Variants in TEX10 observed in about 807,000 individuals in gnomAD.
TEX10 encodes testis expressed 10.
In TEX10, 24 loss-of-function variants were observed where a neutral mutation model predicts 104.4. The observed-to-expected ratio is 0.23, with a 90% confidence interval of 0.17 to 0.32. The LOEUF is 0.32. Ranked by LOEUF, TEX10 falls within the 10% of genes least tolerant of loss-of-function variation. The probability of loss-of-function intolerance (pLI) is 1.00; values close to 1 mark genes in which losing one functional copy is unlikely to be tolerated. For missense variants in TEX10, 921 were observed against 1,083.9 expected (o/e 0.85, Z 2.11); for synonymous variants, 396 against 393.4 (o/e 1.01, Z -0.08).
In TEX10 at chr9:100,352,898, T is replaced by G; in HGVS notation, c.-136A>C. On this transcript the variant is annotated 5_prime_UTR_variant, in exon 1 of 15. Coordinates refer to ENST00000374902, the MANE Select transcript of TEX10 (RefSeq NM_017746.4). ...TCCCGGAGCGTGTTTTCAAATAGCC[T>G]CGTCCTCACGCGGCCGCGTCTCCTT... The G allele has an allele frequency of 1.0e-6, 1 of 991,998 alleles. No individual in the cohort carries two copies. The highest frequency in any genetic ancestry group is 1.2e-6 in the Non-Finnish European group (1 of 834,920). The allele number at this position is 991,998 out of a possible 1,614,324, so 61.4% of individuals were successfully genotyped here.
chr9:100,350,070 G>C (rs1029287141), intron 1 of TEX10, among the ~76,000 whole-genome samples: 1 of 152,094 alleles, frequency 6.6e-6, no homozygotes, highest in Non-Finnish European at 1.5e-5. Flanking sequence ...ATGTAATAGG[G>C]GGATAAGGAA....
At chr9:100,316,590 T>C (rs1222412552) in intron 11 of TEX10, among the ~76,000 whole-genome samples, 3 of 152,068 alleles carry the variant, frequency 2.0e-5, no homozygotes, top group African/African-American at 7.2e-5. Flanking sequence ...AGCTGAATTA[T>C]CCCTGTTTGC....
intron 4 of TEX10, among the ~76,000 whole-genome samples, chr9:100,342,966 T>C (rs1358106113): frequency 6.6e-6 from 1 of 151,622 alleles, no homozygotes; most frequent in African/African-American, 2.4e-5. Context: ...GCTGACACGG[T>C]GAAACTCCGT....
intron 12 of TEX10, 118 bp downstream of exon 12, chr9:100,310,181 A>G (rs868273618): frequency 6.2e-6 from 5 of 809,620 alleles, no homozygotes; most frequent in Non-Finnish European, 1.0e-5. Context: ...GCTGCAAGAG[A>G]CTATGATATC....
intron 11 of TEX10, among the ~76,000 whole-genome samples, chr9:100,314,434 G>A (rs1331188533): frequency 1.3e-5 from 2 of 152,102 alleles, no homozygotes; most frequent in Non-Finnish European, 2.9e-5. Flanking sequence ...TTATTGGTCT[G>A]TTCAGATTTT....
intron 11 of TEX10, 111 bp from the exon 12 acceptor site, chr9:100,310,490 G>A (rs1230540468): frequency 2.1e-6 from 2 of 974,540 alleles, no homozygotes; most frequent in African/African-American, 3.3e-5. Flanking sequence ...CCAGGCTGGA[G>A]TGCAGTGATG....
intron 14 of TEX10, among the ~76,000 whole-genome samples, chr9:100,302,758 C>T (rs1386901551): frequency 6.6e-6 from 1 of 152,200 alleles, no homozygotes; most frequent in Non-Finnish European, 1.5e-5. Context: ...CTTCCCTTCA[C>T]TATTTCTGAA....
intron 12 of TEX10, 61 bp from the exon 13 acceptor site, chr9:100,308,742 A>G: frequency 7.2e-7 from 1 of 1,388,972 alleles, no homozygotes; most frequent in Non-Finnish European, 9.5e-7. Flanking sequence ...TCCACATAAA[A>G]CCAAAACCTG....
chr9:100,328,053 T>C (rs1834753925), intron 7 of TEX10, 91 bp from the exon 8 acceptor site: 2 of 950,606 alleles, frequency 2.1e-6, no homozygotes, highest in Non-Finnish European at 1.4e-6. Flanking sequence ...AACTTAAATA[T>C]ATCACAAAGT....
intron 1 of TEX10, among the ~76,000 whole-genome samples, chr9:100,350,132 G>T (rs1341551169): frequency 6.6e-6 from 1 of 152,184 alleles, no homozygotes; most frequent in Non-Finnish European, 1.5e-5. Flanking sequence ...ATAACACCAT[G>T]CCATCTTGTA....
chr9:100,313,034 C>A (rs1307865314), intron 11 of TEX10, among the ~76,000 whole-genome samples: 3 of 151,996 alleles, frequency 2.0e-5, no homozygotes, highest in East Asian at 1.9e-4. Context: ...CATTGGTATA[C>A]CAACAACAAC....
chr9:100,351,079 T>C (rs1321642013), intron 1 of TEX10, among the ~76,000 whole-genome samples: 1 of 152,004 alleles, frequency 6.6e-6, no homozygotes, highest in African/African-American at 2.4e-5. Flanking sequence ...CCAAGCCCGG[T>C]ACTAGATGCA....
At chr9:100,317,107 C>T (rs1742052547) in intron 11 of TEX10, among the ~76,000 whole-genome samples, 1 of 151,918 alleles carries the variant, frequency 6.6e-6, no homozygotes, top group African/African-American at 2.4e-5. Context: ...TGTCAAAATA[C>T]CAGTATCATT....
Position 100,320,367 on chromosome 9 carries a change from C to T in TEX10, c.2100G>A (p.Gln700=). 6.2e-7 allele frequency: 1 copy of T among 1,611,880 alleles called. No homozygotes were observed. The highest frequency in any genetic ancestry group is 1.3e-5 in the African/African-American group (1 of 75,002). Reference sequence around the variant, plus strand: ...TGACATGAGGAACTCCTCGAAGGCTCTGAAGCCAAGTCAACTCCTCTTTCG... The same window carrying T: ...TGACATGAGGAACTCCTCGAAGGCTTTGAAGCCAAGTCAACTCCTCTTTCG... The part of the protein sequence containing the change: ...GFSKEELTWL[Q]SLRGVPHVIQ... The change falls in exon 11 of 15, where the codon CAG becomes CAA. Residue 700 remains glutamine (Q), a synonymous_variant. Coordinates refer to ENST00000374902, the MANE Select transcript of TEX10 (RefSeq NM_017746.4).
In TEX10 at chr9:100,352,669, G is replaced by T. The variant is rs1021498594; in HGVS notation, c.-10+103C>A. On this transcript the variant is annotated intron_variant, in intron 1 of 14. Coordinates refer to ENST00000374902, the MANE Select transcript of TEX10 (RefSeq NM_017746.4). ...GACCCGGGGGACGCAAATCGTGCAC[G>T]GCCGACCCTGCCCGCTTGGGCCGCG... The T allele has an allele frequency of 3.6e-5, 51 of 1,399,360 alleles. No individual in the cohort carries two copies. In the African/African-American group the frequency reaches 6.3e-4, roughly 17 times the overall value. 86.7% of individuals were successfully genotyped at this position (1,399,360 alleles called of 1,614,324 possible). A position where few individuals can be genotyped will look rare whatever the true frequency, so the allele number is the denominator to read the frequency against.
At chr9:100,309,301 C>T (rs1564202621) in intron 12 of TEX10, among the ~76,000 whole-genome samples, 2 of 152,124 alleles carry the variant, frequency 1.3e-5, no homozygotes, top group South Asian at 4.1e-4. Flanking sequence ...TATGCATTGT[C>T]ATTAAGGTAG....
chr9:100,333,895 GAAC>G (rs1409152999), intron 5 of TEX10, among the ~76,000 whole-genome samples: 3 of 151,938 alleles, frequency 2.0e-5, no homozygotes, highest in Non-Finnish European at 2.9e-5. Flanking sequence ...AACGGTGATA[GAAC>G]AACTGGAAAG....
At position 100,346,252 on chromosome 9, in the gene TEX10, T is replaced by C. The variant is rs1835296068; in HGVS notation, c.957A>G (p.Gly319=). 1 of 1,614,056 alleles carries C rather than the reference T, an allele frequency of 6.2e-7. No homozygotes were observed. Among genetic ancestry groups the C allele is most frequent in the African/African-American group, 1.3e-5 (1 of 75,034 alleles). ...EGLSSTENLK[G]FIEIIIPLLI... is the part of the protein sequence containing the mutation. ...GCAATGGAATTATTATCTCAATAAA[T>C]CCTTTCAGGTTTTCAGTAGATGACA... Residue 319 remains glycine (G), a synonymous_variant, in exon 4 of 15, where the codon GGA becomes GGG. Transcript: ENST00000374902.
At chr9:100,338,850 C>CA (rs1458214396) in intron 5 of TEX10, among the ~76,000 whole-genome samples, 29 of 86,138 alleles carry the variant, frequency 3.4e-4, no homozygotes, top group African/African-American at 2.3e-3. Context: ...CAAGATTACG[C>CA]CTTGCACTCC....
Sources: allele counts gnomAD v4.1 joint callset (sites outside exome capture counted in the v4.1 genomes callset), GRCh38; gene constraint gnomAD v4.1.1; transcripts MANE v1.5; gene names NCBI Gene and HGNC (gene_info 2026-07-23, HGNC 2026-07-21).